RUNX2: variants seen among roughly 807,000 people sequenced by gnomAD.
RUNX2 encodes the protein RUNX family transcription factor 2, also known as runt-related transcription factor 2.
A neutral mutation model predicts 51.7 loss-of-function variants in RUNX2; 10 were observed. The ratio of observed to expected loss-of-function variants is 0.19; its 90% CI spans 0.12 to 0.33. The LOEUF (loss-of-function observed/expected upper bound fraction) is 0.33. Among genes scored for constraint, RUNX2 ranks in the 10% least tolerant of loss-of-function variants. The pLI, the probability that RUNX2 is intolerant of heterozygous loss-of-function variation, is 1.00. For missense variants in RUNX2, 562 were observed against 691.3 expected (o/e 0.81, Z 2.10); for synonymous variants, 276 against 273.6 (o/e 1.01, Z -0.09).
rs1802518863 is a variant in RUNX2, at chr6:45,550,024, A to T, written c.*2719A>T. 2 of 148,296 alleles carry T rather than the reference A, an allele frequency of 1.3e-5. No individual in the cohort carries two copies. The highest frequency in any genetic ancestry group is 5.0e-5 in the African/African-American group (2 of 40,032). 9.2% of individuals were successfully genotyped at this position (148,296 alleles called of 1,614,324 possible). A position where few individuals can be genotyped will look rare whatever the true frequency, so the allele number is the denominator to read the frequency against. The stretch of plus-strand genomic sequence containing the variant: ...TTTCTTTTTTTTTTTTTTTCACTGA[A>T]CCCTTAATTTGCACTGGGTCATGTG... On this transcript the variant is annotated 3_prime_UTR_variant, in exon 9 of 9. Transcript: ENST00000647337.
At chr6:45,389,253 C>A (rs541348625) in intron 2 of RUNX2, among the ~76,000 whole-genome samples, 13 of 152,274 alleles carry the variant, frequency 8.5e-5, no homozygotes, top group African/African-American at 3.1e-4. Flanking sequence ...ATAATAAAGT[C>A]ATTTTCTACT....
chr6:45,398,155 T>C (rs1324920417), intron 2 of RUNX2, among the ~76,000 whole-genome samples: 1 of 152,226 alleles, frequency 6.6e-6, no homozygotes, highest in Non-Finnish European at 1.5e-5. Context: ...TTGGCTTCAC[T>C]GCTTTCAGTG....
chr6:45,477,481 A>G (rs921069870), intron 5 of RUNX2, among the ~76,000 whole-genome samples: 2 of 152,082 alleles, frequency 1.3e-5, no homozygotes, highest in African/African-American at 4.8e-5. Flanking sequence ...ACTTCAACCA[A>G]ACTTCTCTGC....
intron 2 of RUNX2, among the ~76,000 whole-genome samples, chr6:45,413,991 A>G (rs1047406049): frequency 6.6e-6 from 1 of 152,174 alleles, no homozygotes; most frequent in Non-Finnish European, 1.5e-5. Context: ...AATATTCTGA[A>G]AAATGAAATT....
intron 5 of RUNX2, among the ~76,000 whole-genome samples, chr6:45,448,835 T>A (rs979688851): frequency 3.9e-5 from 6 of 152,104 alleles, no homozygotes; most frequent in Admixed American, 3.3e-4. Context: ...CAGGAAATTA[T>A]TAGTAGGCAA....
intron 5 of RUNX2, among the ~76,000 whole-genome samples, chr6:45,442,112 T>G (rs1031634132): frequency 1.3e-5 from 2 of 152,262 alleles, no homozygotes; most frequent in Non-Finnish European, 2.9e-5. Context: ...TTGTGATTCA[T>G]CTCGGTTATA....
chr6:45,420,810 G>T (rs1188331667), intron 2 of RUNX2, among the ~76,000 whole-genome samples: 1 of 152,106 alleles, frequency 6.6e-6, no homozygotes, highest in Non-Finnish European at 1.5e-5. Context: ...TATTTGTTTT[G>T]AAGGCTCAGA....
chr6:45,519,788 A>ATG (rs1409149253), intron 7 of RUNX2, among the ~76,000 whole-genome samples: 196 of 118,874 alleles, frequency 1.6e-3, no homozygotes, highest in South Asian at 6.2e-3. Context: ...ATATATATAT[A>ATG]TATGTGTGTG....
At chr6:45,422,434 A>C in intron 2 of RUNX2, 159 bp from the exon 3 acceptor site, 3 of 658,694 alleles carry the variant, frequency 4.6e-6, no homozygotes, top group Non-Finnish European at 8.1e-6. Flanking sequence ...GGCCTCATCA[A>C]ACTTGATTTC....
intron 7 of RUNX2, among the ~76,000 whole-genome samples, chr6:45,519,229 A>G (rs1801425262): frequency 6.6e-6 from 1 of 152,214 alleles, no homozygotes; most frequent in South Asian, 2.1e-4. Flanking sequence ...TCTTAAAATT[A>G]ATACTTTATT....
At chr6:45,421,071 C>T (rs918182473) in intron 2 of RUNX2, 2 of 152,154 alleles carry the variant, frequency 1.3e-5, no homozygotes, top group Middle Eastern at 3.2e-3. Flanking sequence ...TAAACAGCCA[C>T]GGAAGCATTT....
At chr6:45,414,325 A>G (rs1798016604) in intron 2 of RUNX2, among the ~76,000 whole-genome samples, 2 of 152,180 alleles carry the variant, frequency 1.3e-5, no homozygotes, top group African/African-American at 4.8e-5. Context: ...TCACTTCTCC[A>G]CTATATTACA....
At chr6:45,372,850 C>G (rs1796276985) in intron 2 of RUNX2, among the ~76,000 whole-genome samples, 1 of 152,024 alleles carries the variant, frequency 6.6e-6, no homozygotes, top group South Asian at 2.1e-4. Context: ...TGGAGTTTTG[C>G]TCTGTCACCC....
intron 7 of RUNX2, among the ~76,000 whole-genome samples, chr6:45,514,560 A>G (rs1801261016): frequency 6.6e-6 from 1 of 152,142 alleles, no homozygotes; most frequent in Non-Finnish European, 1.5e-5. Flanking sequence ...GTTCTGTATA[A>G]ACAGTAAAGA....
chr6:45,422,019 G>A (rs1229221139), intron 2 of RUNX2: 1 of 149,014 alleles, frequency 6.7e-6, no homozygotes, highest in African/African-American at 2.4e-5. Context: ...GCCCGCGCGG[G>A]GGGAGCGGCG....
In RUNX2 at chr6:45,344,307, T is replaced by C. The variant is rs76589668; in HGVS notation, c.58+15523T>C. Among the ~76,000 whole-genome samples the C allele has an allele frequency of 2.4e-3, 359 of 152,312 alleles. 18 individuals are homozygous for C. The East Asian group carries it at 0.063, about 27-fold the overall frequency. ...AGTTGGGAACCACTTCATTTATACTTGGCCTAAACTTCCCCTTGTCTGTAT... is the reference window on the plus strand; with the variant it reads ...AGTTGGGAACCACTTCATTTATACTCGGCCTAAACTTCCCCTTGTCTGTAT... On this transcript the variant is annotated intron_variant, in intron 2 of 8. Coordinates refer to ENST00000647337, the MANE Select transcript of RUNX2 (RefSeq NM_001024630.4).
chr6:45,379,637 C>T (rs558710581), intron 2 of RUNX2, among the ~76,000 whole-genome samples: 3 of 152,148 alleles, frequency 2.0e-5, no homozygotes, highest in Admixed American at 2.0e-4. Flanking sequence ...GAGGCCGAGA[C>T]GGGCAGATCA....
intron 2 of RUNX2, among the ~76,000 whole-genome samples, chr6:45,398,170 C>G (rs1797621838): frequency 6.6e-6 from 1 of 152,198 alleles, no homozygotes; most frequent in South Asian, 2.1e-4. Flanking sequence ...TCAGTGTGCA[C>G]TTAGGAAAGT....
chr6:45,482,872 C>T (rs942737980), intron 5 of RUNX2, among the ~76,000 whole-genome samples: 5 of 152,274 alleles, frequency 3.3e-5, no homozygotes, highest in South Asian at 4.1e-4. Flanking sequence ...TCTTGATAAA[C>T]GCCGAATCTT....
Sources: gnomAD v4.1 joint callset for allele counts (sites outside exome capture counted in the v4.1 genomes callset) on GRCh38, gnomAD v4.1.1 for gene constraint, MANE v1.5 for transcripts, NCBI Gene and HGNC (gene_info 2026-07-23, HGNC 2026-07-21) for gene names.